FANCI: variants seen among roughly 807,000 people sequenced by gnomAD.
FANCI encodes the protein FA complementation group I.
Under a neutral mutation model 176.1 loss-of-function variants are expected in FANCI, and 156 were observed. The ratio of observed to expected loss-of-function variants is 0.89; its 90% CI spans 0.78 to 1.01. The LOEUF (loss-of-function observed/expected upper bound fraction) is 1.01, where lower values mean the gene tolerates loss of function less well. FANCI is among the 50% of genes least tolerant of loss of function. FANCI has a pLI of 0.00. For missense variants in FANCI, 1,678 were observed against 1,534.1 expected (o/e 1.09, Z -1.57); for synonymous variants, 613 against 541.7 (o/e 1.13, Z -1.83).
At position 89,260,853 on chromosome 15, in the gene FANCI, C is replaced by T. The variant is rs370505986; in HGVS notation, c.288+10C>T. ...ATTACTGATGCTGGAGGTAAGATGGCAAACAAAAACTTTTATTTGGGGGTA... is the reference window on the plus strand; with the variant it reads ...ATTACTGATGCTGGAGGTAAGATGGTAAACAAAAACTTTTATTTGGGGGTA... On this transcript the variant is annotated intron_variant, in intron 4 of 37. Coordinates refer to ENST00000310775, the MANE Select transcript of FANCI (RefSeq NM_001113378.2). 9.5e-5 allele frequency: 154 copies of T among 1,612,704 alleles called. No individual in the cohort carries two copies. Among genetic ancestry groups the T allele is most frequent in the Middle Eastern group, 1.6e-4 (1 of 6,070 alleles).
At position 89,281,762 on chromosome 15, in the gene FANCI, C is replaced by A; in HGVS notation, c.1513-3C>A. 6.2e-7 allele frequency: 1 copy of A among 1,613,762 alleles called. No individual in the cohort carries two copies. On this transcript the variant is annotated splice_region_variant and splice_polypyrimidine_tract_variant and intron_variant, in intron 15 of 37. Coordinates refer to ENST00000310775, the MANE Select transcript of FANCI (RefSeq NM_001113378.2). ...CTGTTTTTACCCACTGATTCTTTTTCAGCCCCTTCTCAAAGTCAGCATGTC... is the reference window on the plus strand; with the variant it reads ...CTGTTTTTACCCACTGATTCTTTTTAAGCCCCTTCTCAAAGTCAGCATGTC...
chr15:89,313,010 G>A lies in FANCI; in HGVS notation c.3720+38G>A, dbSNP rs762857167. The A allele has an allele frequency of 3.1e-6, 5 of 1,590,640 alleles. No individual in the cohort carries two copies. The South Asian group carries it at 5.5e-5, about 18-fold the overall frequency. ...CACTGACCGTTAAAATATGCTTGTTGGTGAACCCGAAAACATGAAGCGGAA... is the reference window on the plus strand; with the variant it reads ...CACTGACCGTTAAAATATGCTTGTTAGTGAACCCGAAAACATGAAGCGGAA... On this transcript the variant is annotated intron_variant, in intron 35 of 37. Transcript: ENST00000310775.
rs374443040 is a variant in FANCI, at chr15:89,248,349, A to T, written c.84+618A>T. Among the ~76,000 whole-genome samples, 16 of 152,308 alleles carry T rather than the reference A, an allele frequency of 1.1e-4. No homozygotes were observed. The East Asian group carries it at 1.7e-3, about 17-fold the overall frequency. On this transcript the variant is annotated intron_variant, in intron 2 of 37. Transcript: ENST00000310775. ...GAATCCCTCTTCAAGGTATATGTACAAACAAGTAAAGACATTGAGTATCAT... is the reference window on the plus strand; with the variant it reads ...GAATCCCTCTTCAAGGTATATGTACTAACAAGTAAAGACATTGAGTATCAT...
At chr15:89,255,187 C>G (rs1428812587) in intron 2 of FANCI, among the ~76,000 whole-genome samples, 2 of 152,094 alleles carry the variant, frequency 1.3e-5, no homozygotes, top group African/African-American at 4.8e-5. Context: ...AGTTGTTTTG[C>G]TGAATGTGTC....
At chr15:89,301,255 C>T in intron 26 of FANCI, 71 bp from the exon 27 acceptor site, 2 of 969,712 alleles carry the variant, frequency 2.1e-6, no homozygotes, top group Non-Finnish European at 3.4e-6. Context: ...GAGTCTCTGA[C>T]TAGATGCCTC....
In FANCI at chr15:89,273,321, A is replaced by AG. The variant is rs565632197; in HGVS notation, c.883-56_883-55insG. The AG allele has an allele frequency of 5.9e-3, 5,432 of 921,708 alleles. 20 individuals are homozygous for AG. Among genetic ancestry groups the AG allele is most frequent in the Non-Finnish European group, 8.1e-3 (4,674 of 579,706 alleles). The allele number at this position is 921,708 out of a possible 1,614,324, so 57.1% of individuals were successfully genotyped here. On this transcript the variant is annotated intron_variant, in intron 10 of 37. Coordinates refer to ENST00000310775, the MANE Select transcript of FANCI (RefSeq NM_001113378.2). ...AATCTTTTTTTTTTTAAAAAAAAAA[A>AG]AAAAAGAAAAAAGAAAATGTAAGTA...
At chr15:89,278,602 G>T in intron 13 of FANCI, 85 bp from the exon 14 acceptor site, 1 of 967,748 alleles carries the variant, frequency 1.0e-6, no homozygotes. Flanking sequence ...TATCCAAACG[G>T]TTCTTCATGC....
Position 89,285,148 on chromosome 15 carries a change from G to A in FANCI, c.1751G>A (p.Cys584Tyr), listed in dbSNP as rs759583609. The change falls in exon 18 of 38, where the codon TGC becomes TAC. Residue 584 changes from cysteine (C) to tyrosine (Y), a missense_variant. This residue lies in a region of FANCI where 1,204 missense variants were observed against 1,077.4 expected (regional missense o/e 1.12). Transcript: ENST00000310775. ...HYNSVANETF[C>Y]LEIMDSLRRC... ...AATTCTGTCGCCAATGAAACTTTTTGCCTTGAGATCATGGATAGTTTGAGG... is the reference window on the plus strand; with the variant it reads ...AATTCTGTCGCCAATGAAACTTTTTACCTTGAGATCATGGATAGTTTGAGG... 2.5e-6 allele frequency: 4 copies of A among 1,614,040 alleles called. No individual in the cohort carries two copies. In the African/African-American group the frequency reaches 5.3e-5, roughly 22 times the overall value.
intron 6 of FANCI, 128 bp downstream of exon 6, chr15:89,262,006 A>G (rs2052731029): frequency 1.3e-6 from 1 of 777,230 alleles, no homozygotes. Context: ...ATAACACTAT[A>G]AAACTATTTA....
chr15:89,260,186 A>G (rs531922515), intron 3 of FANCI, among the ~76,000 whole-genome samples: 1 of 152,246 alleles, frequency 6.6e-6, no homozygotes, highest in Admixed American at 6.5e-5. Flanking sequence ...TTTAAAATGC[A>G]AAGAAAATTA....
chr15:89,281,117 T>C, intron 14 of FANCI, 53 bp from the exon 15 acceptor site: 1 of 1,586,584 alleles, frequency 6.3e-7, no homozygotes, highest in Non-Finnish European at 8.6e-7. Flanking sequence ...TTTTCTTTTA[T>C]TTCAGTTATC....
Position 89,273,321 on chromosome 15 carries a change from AAAAAAG to A in FANCI, c.883-50_883-45del, listed in dbSNP as rs1265363256. ...AATCTTTTTTTTTTTAAAAAAAAAA[AAAAAAG>A]AAAAAAGAAAATGTAAGTAAATGAC... On this transcript the variant is annotated intron_variant, in intron 10 of 37. Coordinates refer to ENST00000310775, the MANE Select transcript of FANCI (RefSeq NM_001113378.2). 259 of 921,628 alleles carry A rather than the reference AAAAAAG, an allele frequency of 2.8e-4. 2 individuals are homozygous for A. The African/African-American group carries it at 2.8e-3, about 10-fold the overall frequency. 57.1% of individuals were successfully genotyped at this position (921,628 alleles called of 1,614,324 possible). A position where few individuals can be genotyped will look rare whatever the true frequency, so the allele number is the denominator to read the frequency against.
At chr15:89,299,723 G>T in intron 24 of FANCI, 77 bp from the exon 25 acceptor site, 1 of 1,453,124 alleles carries the variant, frequency 6.9e-7, no homozygotes, top group East Asian at 2.3e-5. Context: ...TTCACCTACA[G>T]GGTAAGAATT....
At chr15:89,308,293 C>T in intron 34 of FANCI, 1 of 528,550 alleles carries the variant, frequency 1.9e-6, no homozygotes. Context: ...GTAGCAGCCC[C>T]CTAGTTTTAA....
At chr15:89,262,285 G>A (rs1463087751) in intron 6 of FANCI, among the ~76,000 whole-genome samples, 3 of 151,362 alleles carry the variant, frequency 2.0e-5, no homozygotes, top group African/African-American at 7.3e-5. Context: ...ATATACAAGT[G>A]ATGTATCCTT....
At chr15:89,278,863 T>A in intron 14 of FANCI, 89 bp downstream of exon 14, 1 of 996,350 alleles carries the variant, frequency 1.0e-6, no homozygotes, top group Non-Finnish European at 1.6e-6. Context: ...AAAATTTTAA[T>A]GAGCATTTAA....
At chr15:89,279,141 TTTGTTGTTG>T (rs140164531) in intron 14 of FANCI, among the ~76,000 whole-genome samples, 8,793 of 150,988 alleles carry the variant, frequency 0.058, 806 homozygotes, top group African/African-American at 0.2. Flanking sequence ...AATTTGCTGT[TTTGTTGTTG>T]TTGTTGTTGT....
chr15:89,276,312 A>G (rs1372568800), intron 12 of FANCI, among the ~76,000 whole-genome samples: 1 of 152,240 alleles, frequency 6.6e-6, no homozygotes, highest in Non-Finnish European at 1.5e-5. Context: ...ATATGACTAT[A>G]CTATGACCTC....
At chr15:89,290,439 T>A in intron 19 of FANCI, 158 bp downstream of exon 19, 1 of 653,646 alleles carries the variant, frequency 1.5e-6, no homozygotes, top group Non-Finnish European at 2.8e-6. Context: ...TGGGTTGTCT[T>A]ATCTCGGTCA....
Sources: gnomAD v4.1 joint callset for allele counts (sites outside exome capture counted in the v4.1 genomes callset) on GRCh38, gnomAD v4.1.1 for gene constraint, gnomAD v4.1.1 regional missense constraint, MANE v1.5 for transcripts, NCBI Gene and HGNC (gene_info 2026-07-23, HGNC 2026-07-21) for gene names.